NELL1: variants seen among roughly 807,000 people sequenced by gnomAD.
NELL1 encodes neural EGFL like 1, also known as protein kinase C-binding protein NELL1.
Under a neutral mutation model 107.4 loss-of-function variants are expected in NELL1, and 76 were observed. The ratio of observed to expected loss-of-function variants is 0.71; its 90% CI spans 0.59 to 0.86. NELL1 has a LOEUF of 0.86. Among genes scored for constraint, NELL1 ranks in the 40% least tolerant of loss-of-function variants. NELL1 has a pLI of 0.00. For missense variants in NELL1, 1,024 were observed against 1,005.5 expected, an observed-to-expected ratio of 1.02 and a Z score of -0.25; for synonymous variants, 353 against 341.2, an observed-to-expected ratio of 1.03 and a Z score of -0.38.
chr11:21,271,917 C>T (rs949512339), intron 14 of NELL1, among the ~76,000 whole-genome samples: 6 of 152,124 alleles, frequency 3.9e-5, no homozygotes, highest in African/African-American at 1.2e-4. Context: ...AAGCATTTGA[C>T]AGTGTGGAGC....
intron 2 of NELL1, among the ~76,000 whole-genome samples, chr11:20,766,513 A>G (rs1856531152): frequency 6.6e-6 from 1 of 152,214 alleles, no homozygotes; most frequent in Non-Finnish European, 1.5e-5. Context: ...TCATTTAAAC[A>G]GAAGATCTCA....
chr11:20,839,212 G>C (rs947897426), intron 3 of NELL1, among the ~76,000 whole-genome samples: 3 of 152,158 alleles, frequency 2.0e-5, no homozygotes, highest in Non-Finnish European at 2.9e-5. Context: ...GATTTTTAAA[G>C]AGTGTAATAG....
intron 16 of NELL1, among the ~76,000 whole-genome samples, chr11:21,550,753 G>A (rs368975441): frequency 2.6e-5 from 4 of 151,984 alleles, no homozygotes; most frequent in South Asian, 2.1e-4. Flanking sequence ...GCCTTGTAGT[G>A]TAGTTTGAAG....
intron 2 of NELL1, among the ~76,000 whole-genome samples, chr11:20,764,612 T>C (rs932033438): frequency 5.6e-5 from 4 of 71,610 alleles, no homozygotes; most frequent in African/African-American, 1.7e-4. Context: ...ACCCCAGACC[T>C]TTTTTTTTTT....
chr11:21,183,884 T>C (rs1467213843), intron 13 of NELL1, among the ~76,000 whole-genome samples: 1 of 151,852 alleles, frequency 6.6e-6, no homozygotes. Flanking sequence ...GGGAAATAGC[T>C]TCACTAGTCT....
At chr11:21,543,425 A>C (rs1009725177) in intron 16 of NELL1, among the ~76,000 whole-genome samples, 3 of 152,056 alleles carry the variant, frequency 2.0e-5, no homozygotes, top group African/African-American at 7.2e-5. Context: ...TGTCATTAAA[A>C]GTTTCAGATG....
chr11:21,097,598 C>A (rs980220695), intron 12 of NELL1, among the ~76,000 whole-genome samples: 1 of 152,000 alleles, frequency 6.6e-6, no homozygotes, highest in Admixed American at 6.5e-5. Flanking sequence ...ACAATGGGTA[C>A]AGGTAGCCGA....
At chr11:21,248,369 G>T (rs1057451286) in intron 14 of NELL1, among the ~76,000 whole-genome samples, 2 of 151,772 alleles carry the variant, frequency 1.3e-5, no homozygotes, top group Non-Finnish European at 2.9e-5. Context: ...GAAAAGAAAA[G>T]AAACAACATA....
chr11:21,066,443 A>G (rs1853872004), intron 12 of NELL1, among the ~76,000 whole-genome samples: 3 of 152,190 alleles, frequency 2.0e-5, no homozygotes, highest in Admixed American at 2.0e-4. Flanking sequence ...GTACAAAAGG[A>G]AACAACCAAA....
chr11:21,357,073 T>C (rs548305707), intron 14 of NELL1, among the ~76,000 whole-genome samples: 2 of 152,326 alleles, frequency 1.3e-5, no homozygotes, highest in East Asian at 3.9e-4. Flanking sequence ...TTTAGGCTGG[T>C]TCCATATTTT....
chr11:20,702,012 G>A (rs1854804541), intron 2 of NELL1, among the ~76,000 whole-genome samples: 1 of 152,250 alleles, frequency 6.6e-6, no homozygotes, highest in Admixed American at 6.5e-5. Flanking sequence ...GATTCCATAT[G>A]AACTTTAAAG....
intron 13 of NELL1, among the ~76,000 whole-genome samples, chr11:21,196,851 T>A (rs1167930901): frequency 6.6e-6 from 1 of 151,710 alleles, no homozygotes; most frequent in East Asian, 1.9e-4. Context: ...ATACCCATGG[T>A]GTTATTTAAT....
chr11:21,482,750 TAAAAAAAA>T (rs545059568), intron 15 of NELL1, among the ~76,000 whole-genome samples: 6 of 137,738 alleles, frequency 4.4e-5, no homozygotes, highest in African/African-American at 8.0e-5. Context: ...CTGGAGAGCT[TAAAAAAAA>T]AAAAAAGAAA....
At position 20,704,961 on chromosome 11, in the gene NELL1, T is replaced by G. The variant is rs141536273; in HGVS notation, c.184+26901T>G. Among the ~76,000 whole-genome samples, 1,213 of 152,232 alleles carry G rather than the reference T, an allele frequency of 8.0e-3. 18 individuals are homozygous for G. The highest frequency in any genetic ancestry group is 0.028 in the African/African-American group (1,154 of 41,524). Reference sequence around the variant, plus strand: ...CTAGGAATCCAATTTACAAGGGATGTGAAGGACCGCTTCAAGGAGAACTAC... The same window carrying G: ...CTAGGAATCCAATTTACAAGGGATGGGAAGGACCGCTTCAAGGAGAACTAC... On this transcript the variant is annotated intron_variant, in intron 2 of 19. Transcript: ENST00000357134.
chr11:20,932,927 T>C (rs1268250804), intron 9 of NELL1, among the ~76,000 whole-genome samples: 2 of 152,230 alleles, frequency 1.3e-5, no homozygotes, highest in Non-Finnish European at 2.9e-5. Context: ...ATGTGTGTGT[T>C]AGGAAAACGT....
intron 2 of NELL1, among the ~76,000 whole-genome samples, chr11:20,762,184 G>C (rs1856435711): frequency 1.3e-5 from 2 of 152,304 alleles, no homozygotes; most frequent in South Asian, 4.1e-4. Context: ...GTTTAGAAAT[G>C]TGCTCATTAA....
chr11:21,101,015 G>A (rs188417793), intron 12 of NELL1, among the ~76,000 whole-genome samples: 3 of 134,522 alleles, frequency 2.2e-5, no homozygotes, highest in Non-Finnish European at 4.6e-5. Context: ...GCAGGCCCCA[G>A]TGTGCGATGT....
intron 14 of NELL1, among the ~76,000 whole-genome samples, chr11:21,268,800 T>C (rs1422281224): frequency 6.6e-6 from 1 of 152,142 alleles, no homozygotes; most frequent in East Asian, 1.9e-4. Context: ...TTTTAAAACA[T>C]AGAGCAAGTA....
intron 2 of NELL1, among the ~76,000 whole-genome samples, chr11:20,689,257 C>T (rs556270482): frequency 1.2e-3 from 182 of 150,208 alleles, no homozygotes; most frequent in African/African-American, 4.4e-3. Flanking sequence ...TCTTCTTTTA[C>T]TATGCAGAAG....
Sources: gnomAD v4.1 joint callset for allele counts (sites outside exome capture counted in the v4.1 genomes callset) on GRCh38, gnomAD v4.1.1 for gene constraint, MANE v1.5 for transcripts, NCBI Gene and HGNC (gene_info 2026-07-23, HGNC 2026-07-21) for gene names.